The following ERICH6B variants were observed in gnomAD, a reference collection of about 807,000 sequenced individuals.
ERICH6B encodes glutamate rich 6B.
Under a neutral mutation model 80.0 loss-of-function variants are expected in ERICH6B, and 69 were observed. The ratio of observed to expected loss-of-function variants is 0.86; its 90% CI spans 0.71 to 1.05. The LOEUF (loss-of-function observed/expected upper bound fraction) is 1.05. Among genes scored for constraint, ERICH6B ranks in the 50% least tolerant of loss-of-function variants. ERICH6B has a pLI of 0.00. For synonymous variants in ERICH6B, 283 were observed against 291.9 expected (o/e 0.97, Z 0.31); for missense variants, 754 against 796.1 (o/e 0.95, Z 0.64).
In ERICH6B at chr13:45,584,553, C is replaced by T. The variant is rs571457536; in HGVS notation, c.856+2510G>A. Among the ~76,000 whole-genome samples the T allele has an allele frequency of 3.3e-5, 5 of 152,254 alleles. No individual in the cohort carries two copies. In the South Asian group the frequency reaches 6.2e-4, roughly 19 times the overall value. ...AGAAGTTCTCCATTTCCTCATTGTT[C>T]GTGTCCCCAAGCATCCTCTGGGGAT... On this transcript the variant is annotated intron_variant, in intron 5 of 14. Coordinates refer to ENST00000298738, the MANE Select transcript of ERICH6B (RefSeq NM_182542.3).
chr13:45,567,048 T>C (rs1453826701), intron 9 of ERICH6B, among the ~76,000 whole-genome samples: 1 of 152,218 alleles, frequency 6.6e-6, no homozygotes, highest in Non-Finnish European at 1.5e-5. Flanking sequence ...GAAGATTATT[T>C]TGGAACTTTA....
rs1873928528 is a variant in ERICH6B, at chr13:45,544,843, G to T, written c.1789C>A (p.Gln597Lys). The T allele has an allele frequency of 6.4e-7, 1 of 1,551,592 alleles. No individual in the cohort carries two copies. Among genetic ancestry groups the T allele is most frequent in the Non-Finnish European group, 8.7e-7 (1 of 1,147,006 alleles). The part of the protein sequence containing the change: ...SLKINEYIQV[Q>K]IRSQDKIIFC... ...ATGATCTTATCCTGGCTCCTTATTT[G>T]TACCTGGATGTACTCATTGATTTTC... The change falls in exon 14 of 15, where the codon CAA (glutamine) becomes AAA (lysine). Residue 597 changes from glutamine to lysine, a missense_variant. Transcript: ENST00000298738.
chr13:45,547,328 G>A (rs927894480), intron 13 of ERICH6B, among the ~76,000 whole-genome samples: 1 of 152,164 alleles, frequency 6.6e-6, no homozygotes, highest in Non-Finnish European at 1.5e-5. Context: ...CCTTTTAAAT[G>A]GCTCCCATCA....
intron 11 of ERICH6B, among the ~76,000 whole-genome samples, chr13:45,559,256 G>A (rs1382264541): frequency 1.3e-5 from 2 of 151,816 alleles, no homozygotes; most frequent in East Asian, 1.9e-4. Flanking sequence ...AATATCTCCC[G>A]TTTTGTTTCT....
intron 10 of ERICH6B, among the ~76,000 whole-genome samples, chr13:45,562,633 T>C (rs1422616574): frequency 2.0e-5 from 3 of 152,128 alleles, no homozygotes; most frequent in East Asian, 3.9e-4. Context: ...CATCCCATGA[T>C]TGAGGTCAAT....
intron 5 of ERICH6B, among the ~76,000 whole-genome samples, chr13:45,583,575 C>G (rs1407230334): frequency 6.6e-6 from 1 of 152,212 alleles, no homozygotes; most frequent in Non-Finnish European, 1.5e-5. Context: ...TGTCCCTACC[C>G]AAATCTCATC....
intron 11 of ERICH6B, among the ~76,000 whole-genome samples, chr13:45,550,999 A>G (rs2137963115): frequency 6.6e-6 from 1 of 152,278 alleles, no homozygotes; most frequent in Admixed American, 6.5e-5. Context: ...AACCCATAAC[A>G]TTGGTATACT....
chr13:45,568,232 T>G (rs752451273), intron 9 of ERICH6B, 83 bp downstream of exon 9: 36 of 1,390,102 alleles, frequency 2.6e-5, no homozygotes, highest in Non-Finnish European at 3.2e-5. Flanking sequence ...TTTTTGTTGA[T>G]GGCTCAGTTT....
At chr13:45,574,060 C>T (rs1875279984) in intron 8 of ERICH6B, among the ~76,000 whole-genome samples, 1 of 152,070 alleles carries the variant, frequency 6.6e-6, no homozygotes, top group Non-Finnish European at 1.5e-5. Flanking sequence ...CAATTAAAAA[C>T]ATTTACAAAA....
rs74070461 is a variant in ERICH6B at position 45,541,961 on chromosome 13, G to A, written c.1873-281C>T. ...GAAAGCAGTTCTGGTGCCCTGGCGCGGCCTGCCCTCCAAAGGCGGTGCTTT... is the reference window on the plus strand; with the variant it reads ...GAAAGCAGTTCTGGTGCCCTGGCGCAGCCTGCCCTCCAAAGGCGGTGCTTT... On this transcript the variant is annotated intron_variant, in intron 14 of 14. Coordinates refer to ENST00000298738, the MANE Select transcript of ERICH6B (RefSeq NM_182542.3). Among the ~76,000 whole-genome samples, 895 of 152,294 alleles carry A rather than the reference G, an allele frequency of 5.9e-3. 11 individuals carry two copies. The highest frequency in any genetic ancestry group is 0.02 in the African/African-American group (852 of 41,566).
intron 10 of ERICH6B, among the ~76,000 whole-genome samples, chr13:45,562,101 C>T (rs772781868): frequency 9.2e-5 from 14 of 152,218 alleles, no homozygotes; most frequent in Admixed American, 1.3e-4. Context: ...CTTGCTCTGT[C>T]GCCCAGGCTA....
chr13:45,595,117 G>A (rs1474642037), intron 3 of ERICH6B, among the ~76,000 whole-genome samples: 1 of 152,156 alleles, frequency 6.6e-6, no homozygotes, highest in Admixed American at 6.5e-5. Flanking sequence ...TCCTTTAAGG[G>A]GGCCGAATGG....
At chr13:45,601,291 T>A (rs1027334498) in intron 2 of ERICH6B, among the ~76,000 whole-genome samples, 1 of 152,150 alleles carries the variant, frequency 6.6e-6, no homozygotes, top group African/African-American at 2.4e-5. Context: ...TGGTGCGCAC[T>A]GATAGTACCA....
intron 5 of ERICH6B, among the ~76,000 whole-genome samples, chr13:45,586,078 G>A (rs938249572): frequency 3.1e-5 from 3 of 95,436 alleles, no homozygotes; most frequent in African/African-American, 8.4e-5. Context: ...CGGTGGTCAT[G>A]CTTACTGACT....
chr13:45,552,957 C>A, intron 11 of ERICH6B: 1 of 185,610 alleles, frequency 5.4e-6, no homozygotes, highest in Non-Finnish European at 1.2e-5. Flanking sequence ...ATATTCTTTG[C>A]ATGATTTAAA....
Position 45,596,486 on chromosome 13 carries a change from A to C in ERICH6B, c.520T>G (p.Ser174Ala), listed in dbSNP as rs17066954. 5.8e-6 allele frequency: 9 copies of C among 1,549,428 alleles called. No homozygotes were observed. Among genetic ancestry groups the C allele is most frequent in the Non-Finnish European group, 7.9e-6 (9 of 1,146,184 alleles). ...LEEEEYLGKKSYLEEEKALEK... is the reference protein window; with the variant it reads ...LEEEEYLGKKAYLEEEKALEK... ...AGAGCCTTTTCCTCTTCTAGATATGATTTCTTCCCCAGATACTCCTCCTCC... is the reference window on the plus strand; with the variant it reads ...AGAGCCTTTTCCTCTTCTAGATATGCTTTCTTCCCCAGATACTCCTCCTCC... Residue 174 changes from serine (S) to alanine (A), a missense_variant, in exon 3 of 15, where the codon TCA (serine) becomes GCA (alanine). Coordinates refer to ENST00000298738, the MANE Select transcript of ERICH6B (RefSeq NM_182542.3).
At chr13:45,595,002 A>G (rs1876303248) in intron 3 of ERICH6B, among the ~76,000 whole-genome samples, 1 of 152,190 alleles carries the variant, frequency 6.6e-6, no homozygotes, top group Admixed American at 6.5e-5. Flanking sequence ...ATAAAACCCA[A>G]CATGAGGAAG....
intron 13 of ERICH6B, among the ~76,000 whole-genome samples, chr13:45,548,248 G>C (rs1475377689): frequency 6.6e-6 from 1 of 152,212 alleles, no homozygotes; most frequent in Non-Finnish European, 1.5e-5. Flanking sequence ...AAATGGCTTG[G>C]CTATAAGTCC....
At chr13:45,561,319 A>G in intron 11 of ERICH6B, 50 bp downstream of exon 11, 1 of 1,504,356 alleles carries the variant, frequency 6.6e-7, no homozygotes, top group Non-Finnish European at 8.9e-7. Context: ...CACCAGAGCC[A>G]AAAAAAATCC....
Sources: allele counts gnomAD v4.1 joint callset (sites outside exome capture counted in the v4.1 genomes callset), GRCh38; gene constraint gnomAD v4.1.1; transcripts MANE v1.5; gene names NCBI Gene and HGNC (gene_info 2026-07-23, HGNC 2026-07-21).